Variants in ERFE observed in about 807,000 individuals in gnomAD.
The protein encoded by ERFE is complement C1q tumor necrosis factor-related protein 15.
ERFE carries 25 observed loss-of-function variants against 26.6 expected under a neutral mutation model. The observed-to-expected ratio is 0.94, with a 90% CI of 0.69 to 1.31. The LOEUF (loss-of-function observed/expected upper bound fraction) is 1.31. Among genes scored for constraint, ERFE ranks in the 40% most tolerant of loss-of-function variants. The probability of loss-of-function intolerance (pLI) is 0.00; values close to 1 mark genes in which losing one functional copy is unlikely to be tolerated. For missense variants in ERFE, 447 were observed against 440.2 expected, an observed-to-expected ratio of 1.02 and a Z score of -0.14; for synonymous variants, 206 against 204.5, an observed-to-expected ratio of 1.01 and a Z score of -0.06.
At chr2:238,166,869 G>A (rs1693044571) in intron 7 of ERFE, 87 bp from the exon 8 acceptor site, 2 of 1,104,930 alleles carry the variant, frequency 1.8e-6, no homozygotes, top group Non-Finnish European at 2.7e-6. Context: ...GGCTGAGTGG[G>A]CAGGAGGGAG....
chr2:238,164,459 C>T, intron 6 of ERFE, 99 bp downstream of exon 6: 1 of 1,243,812 alleles, frequency 8.0e-7, no homozygotes. Flanking sequence ...CGCCCGTTCA[C>T]ACCCCACCGT....
chr2:238,164,348 G>A lies in ERFE; in HGVS notation c.875G>A (p.Cys292Tyr). The change falls in exon 6 of 8, where the codon TGC (cysteine) becomes TAC (tyrosine). Residue 292 changes from cysteine to tyrosine, a missense_variant. Physicochemically the swap from Cys to Tyr is radical, Grantham distance 194. Transcript: ENST00000546354. ...CTGCTCATCTGCATCCAGTCCCGGT[G>A]CCAGCGCAACGCGTGAGTGTACCCC... ...LRLLICIQSRCQRNASLEAIM... is the reference protein window; with the variant it reads ...LRLLICIQSRYQRNASLEAIM... 1 of 1,542,034 alleles carries A rather than the reference G, an allele frequency of 6.5e-7. No homozygotes were observed.
In ERFE at chr2:238,165,666, T is replaced by C; in HGVS notation, c.948T>C (p.Asn316=). The part of the protein sequence containing the change: ...SSSELFTISV[N]GVLYLQMGQW... The stretch of plus-strand genomic sequence containing the variant: ...GTGAGCTCTTCACCATCTCTGTGAA[T>C]GGCGTCCTGTACCTGCAGGTGAGTG... Residue 316 remains asparagine (N), a synonymous_variant, in exon 7 of 8, where the codon AAT becomes AAC. Transcript: ENST00000546354. 6.5e-7 allele frequency: 1 copy of C among 1,549,720 alleles called. No homozygotes were observed. Among genetic ancestry groups the C allele is most frequent in the Non-Finnish European group, 8.7e-7 (1 of 1,146,278 alleles).
chr2:238,160,008 C>A (rs576658118), intron 1 of ERFE, among the ~76,000 whole-genome samples: 24 of 152,322 alleles, frequency 1.6e-4, no homozygotes, highest in African/African-American at 4.8e-4. Flanking sequence ...TTCTCTATCC[C>A]GGCCCCATCA....
At chr2:238,163,656 G>A in intron 3 of ERFE, 81 bp from the exon 4 acceptor site, 1 of 1,230,608 alleles carries the variant, frequency 8.1e-7, no homozygotes, top group Admixed American at 4.3e-5. Context: ...GGTCTCGCTA[G>A]CACCTGTCGT....
Position 238,161,691 on chromosome 2 carries a change from G to GC in ERFE, c.297dup (p.Arg100GlnfsTer210). ...AAGGGTGTCAATGGCAAGAAGAGGA[G>GC]CAGGGGCAAGGCCAAGAAGCTGAAG... On this transcript the variant is annotated frameshift_variant, in exon 2 of 8. Transcript: ENST00000546354. LOFTEE classifies it high-confidence loss of function. The GC allele has an allele frequency of 6.5e-7, 1 of 1,547,570 alleles. No homozygotes were observed.
intron 5 of ERFE, 43 bp from the exon 6 acceptor site, chr2:238,164,227 C>T (rs1692993481): frequency 7.0e-7 from 1 of 1,435,370 alleles, no homozygotes; most frequent in Admixed American, 2.8e-5. Context: ...TGTCGCCCAC[C>T]CCGCCGCCCG....
intron 7 of ERFE, among the ~76,000 whole-genome samples, chr2:238,166,448 T>G (rs1012156748): frequency 1.3e-4 from 20 of 152,212 alleles, no homozygotes; most frequent in African/African-American, 3.9e-4. Flanking sequence ...AAGATGCAGA[T>G]CCTGAGGCAG....
intron 1 of ERFE, among the ~76,000 whole-genome samples, chr2:238,159,659 CAT>C (rs1469999101): frequency 6.6e-6 from 1 of 152,198 alleles, no homozygotes; most frequent in Non-Finnish European, 1.5e-5. Context: ...TGGGGAATGA[CAT>C]GTGGCTTTGA....
chr2:238,164,677 A>AC (rs1235040909), intron 6 of ERFE: 52 of 335,932 alleles, frequency 1.5e-4, no homozygotes, highest in African/African-American at 1.1e-3. Flanking sequence ...ACATGGTGAA[A>AC]CCCCGTCTCT....
rs1262798956 is a variant in ERFE, at chr2:238,167,399, G to A, written c.*345G>A. The A allele has an allele frequency of 8.8e-6, 5 of 567,058 alleles. No individual in the cohort carries two copies. The highest frequency in any genetic ancestry group is 7.6e-5 in the South Asian group (5 of 65,606). The allele number at this position is 567,058 out of a possible 1,614,324, so 35.1% of individuals were successfully genotyped here. A position where few individuals can be genotyped will look rare whatever the true frequency, so the allele number is the denominator to read the frequency against. On this transcript the variant is annotated 3_prime_UTR_variant, in exon 8 of 8. Transcript: ENST00000546354. The stretch of plus-strand genomic sequence containing the variant: ...CCCAGATGGCCTCTGCGTCTTTCCT[G>A]TGCCCAGCCCCACCTTTTCCACCTC...
intron 3 of ERFE, 102 bp downstream of exon 3, chr2:238,162,940 C>A: frequency 1.1e-6 from 1 of 902,578 alleles, no homozygotes; most frequent in Admixed American, 2.6e-5. Context: ...CTTCGGCGGG[C>A]ACCCAAGGAG....
rs1574771747 is a variant in ERFE, at chr2:238,168,715, G to A, written c.*1661G>A. The A allele has an allele frequency of 3.4e-6, 1 of 297,730 alleles. No individual in the cohort carries two copies. The allele number at this position is 297,730 out of a possible 1,614,324, so 18.4% of individuals were successfully genotyped here. Reference sequence around the variant, plus strand: ...CATCCGTGTGTTTTGATAAGGGGGTGATGTGGCCACGCCCTTATCTAGATT... The same window carrying A: ...CATCCGTGTGTTTTGATAAGGGGGTAATGTGGCCACGCCCTTATCTAGATT... On this transcript the variant is annotated 3_prime_UTR_variant, in exon 8 of 8. Transcript: ENST00000546354.
In ERFE at chr2:238,163,881, C is replaced by T. The variant is rs1692981828; in HGVS notation, c.569C>T (p.Ala190Val). The T allele has an allele frequency of 1.5e-6, 2 of 1,314,740 alleles. No homozygotes were observed. The highest frequency in any genetic ancestry group is 1.9e-6 in the Non-Finnish European group (2 of 1,040,100). 81.4% of individuals were successfully genotyped at this position (1,314,740 alleles called of 1,614,324 possible). A position where few individuals can be genotyped will look rare whatever the true frequency, so the allele number is the denominator to read the frequency against. ...GTGGGGGACGTGCTGGCACTGCTGGCCGCGCCCCTGGCCCCGGGGCCGCGG... is the reference window on the plus strand; with the variant it reads ...GTGGGGGACGTGCTGGCACTGCTGGTCGCGCCCCTGGCCCCGGGGCCGCGG... ...DVVGDVLALL[A>V]APLAPGPRAP... The change falls in exon 4 of 8, where the codon GCC becomes GTC. Residue 190 changes from alanine (A) to valine (V), a missense_variant. Physicochemically the swap from Ala to Val is moderately conservative, Grantham distance 64. Coordinates refer to ENST00000546354, the MANE Select transcript of ERFE (RefSeq NM_001291832.2).
At position 238,163,974 on chromosome 2, in the gene ERFE, T is replaced by C; in HGVS notation, c.662T>C (p.Leu221Pro). 1 of 1,386,964 alleles carries C rather than the reference T, an allele frequency of 7.2e-7. No individual in the cohort carries two copies. Among genetic ancestry groups the C allele is most frequent in the South Asian group, 1.6e-5 (1 of 61,248 alleles). 85.9% of individuals were successfully genotyped at this position (1,386,964 alleles called of 1,614,324 possible). ...GACGCGTTGGTGGAGCGGCGCGCGC[T>C]GCACGAGCTTGGCGTCTACTACCTG... The part of the protein sequence containing the change: ...RRDALVERRA[L>P]HELGVYYLPD... Residue 221 changes from leucine (L) to proline (P), a missense_variant, in exon 4 of 8, where the codon CTG becomes CCG. By Grantham distance (98) the Leu-to-Pro change is moderately conservative. Coordinates refer to ENST00000546354, the MANE Select transcript of ERFE (RefSeq NM_001291832.2).
In ERFE at chr2:238,167,098, G is replaced by A; in HGVS notation, c.*44G>A. On this transcript the variant is annotated 3_prime_UTR_variant, in exon 8 of 8. Coordinates refer to ENST00000546354, the MANE Select transcript of ERFE (RefSeq NM_001291832.2). ...TCCTCTCAGGGGCAAATGGAGCACA[G>A]ATCTAGACAATGTGTGGACAGTGTC... The A allele has an allele frequency of 6.6e-7, 1 of 1,522,750 alleles. No homozygotes were observed. The highest frequency in any genetic ancestry group is 1.4e-5 in the African/African-American group (1 of 72,676). The allele number at this position is 1,522,750 out of a possible 1,614,324, so 94.3% of individuals were successfully genotyped here. A position where few individuals can be genotyped will look rare whatever the true frequency, so the allele number is the denominator to read the frequency against.
At chr2:238,163,070 C>T (rs1692964674) in intron 3 of ERFE, among the ~76,000 whole-genome samples, 2 of 152,226 alleles carry the variant, frequency 1.3e-5, no homozygotes, top group Admixed American at 1.3e-4. Context: ...GGAACCATGG[C>T]CAGGAGAAGG....
intron 3 of ERFE, among the ~76,000 whole-genome samples, chr2:238,163,084 C>T (rs1360984450): frequency 6.6e-6 from 1 of 152,250 alleles, no homozygotes; most frequent in Non-Finnish European, 1.5e-5. Flanking sequence ...GAGAAGGCTT[C>T]ACAGAGGAAG....
In ERFE at chr2:238,167,874, GCT is replaced by G. The variant is rs1693070676; in HGVS notation, c.*821_*822del. 1 of 205,824 alleles carries G rather than the reference GCT, an allele frequency of 4.9e-6. No homozygotes were observed. The highest frequency in any genetic ancestry group is 1.0e-5 in the Non-Finnish European group (1 of 99,878). The allele number at this position is 205,824 out of a possible 1,614,324, so 12.7% of individuals were successfully genotyped here. On this transcript the variant is annotated 3_prime_UTR_variant, in exon 8 of 8. Coordinates refer to ENST00000546354, the MANE Select transcript of ERFE (RefSeq NM_001291832.2). ...TCCCTTTTCCCCTCCCCTCTGAGGT[GCT>G]GACTCACTGGTAGGAGCCACCCACC...
Sources: gnomAD v4.1 joint callset for allele counts (sites outside exome capture counted in the v4.1 genomes callset) on GRCh38, gnomAD v4.1.1 for gene constraint, MANE v1.5 for transcripts, NCBI Gene and HGNC (gene_info 2026-07-23, HGNC 2026-07-21) for gene names.